Variants in CDH4 observed in about 807,000 individuals in gnomAD.
CDH4 encodes cadherin 4.
CDH4 carries 33 observed loss-of-function variants against 86.0 expected under a neutral mutation model. The observed-to-expected ratio is 0.38, with a 90% CI of 0.29 to 0.51. The LOEUF is 0.51. CDH4 is among the 20% of genes least tolerant of loss of function. The probability of loss-of-function intolerance (pLI) is 0.86; values close to 1 mark genes in which losing one functional copy is unlikely to be tolerated. For missense variants in CDH4, 1,114 were observed against 1,307.4 expected, an observed-to-expected ratio of 0.85 and a Z score of 2.28; for synonymous variants, 555 against 549.4, an observed-to-expected ratio of 1.01 and a Z score of -0.14.
At chr20:61,424,104 A>T (rs1035967650) in intron 2 of CDH4, among the ~76,000 whole-genome samples, 8 of 151,534 alleles carry the variant, frequency 5.3e-5, no homozygotes, top group Non-Finnish European at 1.2e-4. Flanking sequence ...GTATACACAC[A>T]TATACACACA....
chr20:61,678,258 T>G lies in CDH4; in HGVS notation c.170-65305T>G, dbSNP rs2087469047. ...GATTATGGATGGATAGATAGATGGA[T>G]GATAGATGATAGATGAGATAGATAC... is the stretch of plus-strand genomic sequence containing the variant. On this transcript the variant is annotated intron_variant, in intron 2 of 15. Transcript: ENST00000614565. Among the ~76,000 whole-genome samples the G allele has an allele frequency of 2.0e-5, 3 of 152,064 alleles. No individual in the cohort carries two copies. In the South Asian group the frequency reaches 6.2e-4, roughly 32 times the overall value.
chr20:61,386,985 C>G (rs1431039646), intron 2 of CDH4, among the ~76,000 whole-genome samples: 1 of 152,252 alleles, frequency 6.6e-6, no homozygotes, highest in African/African-American at 2.4e-5. Context: ...CCCGCGAGTT[C>G]TGTTACCAAT....
At chr20:61,348,330 G>A (rs569964498) in intron 2 of CDH4, among the ~76,000 whole-genome samples, 2 of 152,138 alleles carry the variant, frequency 1.3e-5, no homozygotes, top group Admixed American at 6.5e-5. Context: ...TCGCTATCAC[G>A]AGAACAGCAC....
At chr20:61,555,314 A>G (rs1193334319) in intron 2 of CDH4, among the ~76,000 whole-genome samples, 1 of 152,196 alleles carries the variant, frequency 6.6e-6, no homozygotes, top group African/African-American at 2.4e-5. Flanking sequence ...ATGCGGAGTG[A>G]AGCAGTAAGG....
intron 4 of CDH4, among the ~76,000 whole-genome samples, chr20:61,826,143 G>A (rs1272763290): frequency 6.6e-6 from 1 of 152,148 alleles, no homozygotes; most frequent in Non-Finnish European, 1.5e-5. Flanking sequence ...GTCCCCTTCT[G>A]CTCAGAACTC....
intron 2 of CDH4, among the ~76,000 whole-genome samples, chr20:61,297,689 C>T (rs1568787216): frequency 1.3e-5 from 2 of 152,258 alleles, no homozygotes; most frequent in Admixed American, 1.3e-4. Flanking sequence ...CCACCTAGAG[C>T]AGGCTGGATT....
intron 2 of CDH4, among the ~76,000 whole-genome samples, chr20:61,387,301 CACAT>C (rs1202453595): frequency 6.6e-6 from 1 of 151,578 alleles, no homozygotes; most frequent in Non-Finnish European, 1.5e-5. Context: ...CACAAACATA[CACAT>C]ACATATACAC....
At chr20:61,655,339 A>G (rs1459943004) in intron 2 of CDH4, among the ~76,000 whole-genome samples, 2 of 152,176 alleles carry the variant, frequency 1.3e-5, no homozygotes, top group African/African-American at 4.8e-5. Context: ...GACACAAAGT[A>G]TGTAAATATC....
Position 61,811,174 on chromosome 20 carries a change from A to G in CDH4, c.577-33494A>G, listed in dbSNP as rs901678022. 6.6e-6 allele frequency among the ~76,000 whole-genome samples: 1 copy of G among 152,108 alleles called. No individual in the cohort carries two copies. The highest frequency in any genetic ancestry group is 1.5e-5 in the Non-Finnish European group (1 of 68,026). On this transcript the variant is annotated intron_variant, in intron 4 of 15. Transcript: ENST00000614565. This position sits in a 1 kb window ranked among gnomAD's most constrained non-coding sequence, Gnocchi z 4.4. The stretch of plus-strand genomic sequence containing the variant: ...AAAAACCAAACATCCCCAAACTCTT[A>G]GAGAAAAAAAAAATGCAATCCCTGC...
intron 8 of CDH4, among the ~76,000 whole-genome samples, chr20:61,897,914 G>T (rs1202639753): frequency 6.6e-6 from 1 of 152,236 alleles, no homozygotes; most frequent in African/African-American, 2.4e-5. Context: ...CAGTCCGGGA[G>T]AGGATCTGCA....
At chr20:61,418,203 T>G (rs1156588198) in intron 2 of CDH4, among the ~76,000 whole-genome samples, 1 of 121,500 alleles carries the variant, frequency 8.2e-6, no homozygotes, top group Non-Finnish European at 1.6e-5. Flanking sequence ...CTTTTTTCTT[T>G]TTTTTCTTTT....
At chr20:61,835,244 T>C (rs1167544438) in intron 4 of CDH4, among the ~76,000 whole-genome samples, 3 of 152,194 alleles carry the variant, frequency 2.0e-5, no homozygotes, top group East Asian at 3.9e-4. Flanking sequence ...ATTTGTTTTT[T>C]ATTTTCTTTA....
intron 2 of CDH4, among the ~76,000 whole-genome samples, chr20:61,644,968 T>C (rs1485433554): frequency 6.6e-6 from 1 of 152,160 alleles, no homozygotes; most frequent in Non-Finnish European, 1.5e-5. Flanking sequence ...CCTCTCAGCT[T>C]GGGCTGTGGG....
At chr20:61,856,905 C>T (rs113576404) in intron 6 of CDH4, among the ~76,000 whole-genome samples, 1 of 152,362 alleles carries the variant, frequency 6.6e-6, no homozygotes, top group African/African-American at 2.4e-5. Context: ...GTGGCAGCGC[C>T]CCTGGCTGAG....
chr20:61,608,929 C>T (rs957865655), intron 2 of CDH4, among the ~76,000 whole-genome samples: 1 of 152,138 alleles, frequency 6.6e-6, no homozygotes, highest in Non-Finnish European at 1.5e-5. Flanking sequence ...TGCTCTGTGG[C>T]ACCTGCATCA....
chr20:61,809,142 A>G (rs1980294962), intron 4 of CDH4, among the ~76,000 whole-genome samples: 1 of 152,264 alleles, frequency 6.6e-6, no homozygotes, highest in East Asian at 1.9e-4. Flanking sequence ...GAATTAATCT[A>G]TATGTGATCT....
rs1172642564 is a variant in CDH4 at position 61,708,633 on chromosome 20, C to T, written c.170-34930C>T. Reference sequence around the variant, plus strand: ...CCTCTCCACCCTCCTGTGCCTGGAGCCCCTCCCAGACGTTTGCACCCCACC... The same window carrying T: ...CCTCTCCACCCTCCTGTGCCTGGAGTCCCTCCCAGACGTTTGCACCCCACC... On this transcript the variant is annotated intron_variant, in intron 2 of 15. Transcript: ENST00000614565. The surrounding 1 kb of genome is among the most constrained non-coding windows in gnomAD (Gnocchi z 4.5). Among the ~76,000 whole-genome samples, 1 of 152,128 alleles carries T rather than the reference C, an allele frequency of 6.6e-6. No homozygotes were observed. Among genetic ancestry groups the T allele is most frequent in the African/African-American group, 2.4e-5 (1 of 41,416 alleles).
chr20:61,599,632 C>A, intron 2 of CDH4: 1 of 186,130 alleles, frequency 5.4e-6, no homozygotes, highest in Non-Finnish European at 1.0e-5. Context: ...CGGCATTTCC[C>A]TCCAAGACAA....
chr20:61,652,399 A>G (rs1444315536), intron 2 of CDH4, among the ~76,000 whole-genome samples: 1 of 152,204 alleles, frequency 6.6e-6, no homozygotes, highest in Admixed American at 6.5e-5. Context: ...CTGCTGTTTT[A>G]TACATTTACA....
Sources: gnomAD v4.1 joint callset for allele counts (sites outside exome capture counted in the v4.1 genomes callset) on GRCh38, gnomAD v4.1.1 for gene constraint, Gnocchi (gnomAD v3.1) non-coding constraint, MANE v1.5 for transcripts, NCBI Gene and HGNC (gene_info 2026-07-23, HGNC 2026-07-21) for gene names.